Variants in ESR1 observed in about 807,000 individuals in gnomAD.
ESR1 encodes the protein estrogen receptor 1.
ESR1 carries 12 observed loss-of-function variants against 52.7 expected under a neutral mutation model. That is an observed-to-expected ratio of 0.23 (90% CI 0.15 to 0.37). ESR1 has a LOEUF of 0.37. Ranked by LOEUF, ESR1 falls within the 10% of genes least tolerant of loss-of-function variation. The probability of loss-of-function intolerance (pLI) is 1.00; values close to 1 mark genes in which losing one functional copy is unlikely to be tolerated. For missense variants in ESR1, 584 were observed against 779.7 expected (o/e 0.75, Z 2.99); for synonymous variants, 305 against 316.8 (o/e 0.96, Z 0.39).
At chr6:151,933,966 A>G (rs2034036952) in intron 3 of ESR1, among the ~76,000 whole-genome samples, 1 of 152,196 alleles carries the variant, frequency 6.6e-6, no homozygotes, top group Non-Finnish European at 1.5e-5. Context: ...GAGTTCTTCC[A>G]AAGCTATAAA....
intron 2 of ESR1, among the ~76,000 whole-genome samples, chr6:151,844,712 TGGAAG>T (rs1219823821): frequency 6.6e-6 from 1 of 152,206 alleles, no homozygotes; most frequent in African/African-American, 2.4e-5. Flanking sequence ...CCTTTATTTA[TGGAAG>T]GGAATAGGGG....
intron 4 of ESR1, among the ~76,000 whole-genome samples, chr6:151,949,766 T>C (rs1490728741): frequency 1.3e-5 from 2 of 152,242 alleles, no homozygotes; most frequent in Non-Finnish European, 2.9e-5. Context: ...GACTGGATTT[T>C]TCTTTCACAT....
At chr6:151,775,676 G>A (rs1312283859) in intron 2 of ESR1, among the ~76,000 whole-genome samples, 3 of 151,704 alleles carry the variant, frequency 2.0e-5, no homozygotes, top group Admixed American at 6.6e-5. Flanking sequence ...AACCCGGGAG[G>A]CGGAGCTTGC....
chr6:151,841,699 C>T lies in ESR1; in HGVS notation c.453-898C>T, dbSNP rs183281885. ...TCATTTTCAGTTTCCTTTCTGTGTT[C>T]CTCTGATTGTCTCTCTTTCTACATT... On this transcript the variant is annotated intron_variant, in intron 1 of 7. Transcript: ENST00000206249. Among the ~76,000 whole-genome samples, 55 of 151,782 alleles carry T rather than the reference C, an allele frequency of 3.6e-4. 1 individual carries two copies. The highest frequency in any genetic ancestry group is 1.2e-3 in the African/African-American group (50 of 41,388).
At chr6:151,764,784 CATCAGTGTCTGTT>C (rs1359162896) in intron 2 of ESR1, among the ~76,000 whole-genome samples, 1 of 152,192 alleles carries the variant, frequency 6.6e-6, no homozygotes, top group African/African-American at 2.4e-5. Flanking sequence ...TCCATAATGG[CATCAGTGTCTGTT>C]ACACGTTTGC....
intron 2 of ESR1, among the ~76,000 whole-genome samples, chr6:151,799,146 G>T (rs1026559578): frequency 6.6e-6 from 1 of 152,204 alleles, no homozygotes; most frequent in African/African-American, 2.4e-5. Flanking sequence ...TCAGAAGAAT[G>T]CGGCATCTAC....
rs1166753404 is a variant in ESR1 at position 152,053,756 on chromosome 6, G to A, written c.1236-7235G>A. ...AAATTTGTATTTCCGGATATTTTAT[G>A]CTTTCATGGAGGCCGTGTAAATTGG... On this transcript the variant is annotated intron_variant, in intron 5 of 7. Coordinates refer to ENST00000206249, the MANE Select transcript of ESR1 (RefSeq NM_000125.4). The surrounding 1 kb of genome is among the most constrained non-coding windows in gnomAD (Gnocchi z 4.1). Among the ~76,000 whole-genome samples, 1 of 151,674 alleles carries A rather than the reference G, an allele frequency of 6.6e-6. No individual in the cohort carries two copies. The highest frequency in any genetic ancestry group is 2.4e-5 in the African/African-American group (1 of 41,278).
chr6:151,848,980 G>A lies in ESR1; in HGVS notation c.643+6193G>A, dbSNP rs184095035. Among the ~76,000 whole-genome samples, 481 of 151,894 alleles carry A rather than the reference G, an allele frequency of 3.2e-3. 2 individuals are homozygous for A. The highest frequency in any genetic ancestry group is 0.024 in the Middle Eastern group (7 of 294). The stretch of plus-strand genomic sequence containing the variant: ...TATTTTTTGCTATTCCCCCCAACAC[G>A]CCAACATGTTCCTTCCTCAGGATCT... On this transcript the variant is annotated intron_variant, in intron 2 of 7. Coordinates refer to ENST00000206249, the MANE Select transcript of ESR1 (RefSeq NM_000125.4).
At chr6:151,973,376 C>T (rs2039109042) in intron 4 of ESR1, among the ~76,000 whole-genome samples, 1 of 152,104 alleles carries the variant, frequency 6.6e-6, no homozygotes, top group Non-Finnish European at 1.5e-5. Context: ...CTGAATTGCA[C>T]ACAAGCTAAA....
Position 151,842,594 on chromosome 6 carries a change from C to A in ESR1, c.453-3C>A, listed in dbSNP as rs2128234155. The A allele has an allele frequency of 6.2e-7, 1 of 1,612,718 alleles. No homozygotes were observed. The highest frequency in any genetic ancestry group is 8.5e-7 in the Non-Finnish European group (1 of 1,179,486). On this transcript the variant is annotated splice_polypyrimidine_tract_variant and splice_region_variant and intron_variant, in intron 1 of 7. Coordinates refer to ENST00000206249, the MANE Select transcript of ESR1 (RefSeq NM_000125.4). Reference sequence around the variant, plus strand: ...AATGGATTTACTGTTTTTTTCCCCCCAGGCCAAATTCAGATAATCGACGCC... The same window carrying A: ...AATGGATTTACTGTTTTTTTCCCCCAAGGCCAAATTCAGATAATCGACGCC...
chr6:152,007,826 C>T (rs2042449384), intron 4 of ESR1, among the ~76,000 whole-genome samples: 1 of 152,082 alleles, frequency 6.6e-6, no homozygotes, highest in Non-Finnish European at 1.5e-5. Flanking sequence ...CTCCTTATGT[C>T]CCGTAGCAGC....
intron 2 of ESR1, among the ~76,000 whole-genome samples, chr6:151,783,373 C>T (rs1385856934): frequency 1.3e-5 from 2 of 152,132 alleles, no homozygotes; most frequent in Non-Finnish European, 2.9e-5. Context: ...TTCTTAAGTT[C>T]CATTGGTACA....
rs554952264 is a variant in ESR1, at chr6:151,770,603, C to A, written c.-70-37240C>A. On this transcript the variant is annotated intron_variant, in intron 2 of 2. Coordinates refer to the ESR1 transcript ENST00000404742. Reference sequence around the variant, plus strand: ...TTCAAATTGACCATTTCTTTCCAAGCGGTAAAGGTGATACGGGATTTTGTC... The same window carrying A: ...TTCAAATTGACCATTTCTTTCCAAGAGGTAAAGGTGATACGGGATTTTGTC... Among the ~76,000 whole-genome samples, 311 of 151,898 alleles carry A rather than the reference C, an allele frequency of 2.0e-3. 1 individual carries two copies. Among genetic ancestry groups the A allele is most frequent in the Non-Finnish European group, 3.0e-3 (207 of 67,972 alleles).
At chr6:151,961,496 A>C (rs1240931711) in intron 4 of ESR1, among the ~76,000 whole-genome samples, 1 of 152,168 alleles carries the variant, frequency 6.6e-6, no homozygotes, top group Non-Finnish European at 1.5e-5. Context: ...AAGTATAAGC[A>C]GCTCTTTCAA....
intron 4 of ESR1, among the ~76,000 whole-genome samples, chr6:151,976,415 C>T (rs1318165498): frequency 3.3e-5 from 5 of 151,976 alleles, no homozygotes. Flanking sequence ...TTTAACACAA[C>T]ACTAAGCCAC....
chr6:151,994,509 A>G (rs1328070855), intron 4 of ESR1, among the ~76,000 whole-genome samples: 1 of 152,196 alleles, frequency 6.6e-6, no homozygotes. Context: ...AAATTGTAAA[A>G]CATTCCTCCA....
intron 4 of ESR1, among the ~76,000 whole-genome samples, chr6:151,970,108 T>G (rs1005556106): frequency 6.6e-6 from 1 of 151,998 alleles, no homozygotes; most frequent in African/African-American, 2.4e-5. Flanking sequence ...TTACCATGGC[T>G]CTGATGATGA....
intron 1 of ESR1, among the ~76,000 whole-genome samples, chr6:151,830,511 C>T (rs1330843148): frequency 6.6e-6 from 1 of 152,198 alleles, no homozygotes; most frequent in East Asian, 1.9e-4. Flanking sequence ...GCAGCTCTCT[C>T]TCTCTCTCGA....
chr6:151,954,166 GGTTTCAATTCT>G (rs1261417654), intron 4 of ESR1, among the ~76,000 whole-genome samples: 2 of 152,306 alleles, frequency 1.3e-5, no homozygotes, highest in East Asian at 3.9e-4. Context: ...GGAATCTTAA[GGTTTCAATTCT>G]GTTGCCTTGG....
Sources: gnomAD v4.1 joint callset for allele counts (sites outside exome capture counted in the v4.1 genomes callset) on GRCh38, gnomAD v4.1.1 for gene constraint, Gnocchi (gnomAD v3.1) non-coding constraint, MANE v1.5 for transcripts, NCBI Gene and HGNC (gene_info 2026-07-23, HGNC 2026-07-21) for gene names.